The following DLG2 variants were observed in gnomAD, a reference collection of about 807,000 sequenced individuals.
DLG2 encodes the protein discs large MAGUK scaffold protein 2.
A neutral mutation model predicts 132.5 loss-of-function variants in DLG2; 45 were observed. That is an observed-to-expected ratio of 0.34 (90% confidence interval 0.27 to 0.44). DLG2 has a LOEUF of 0.44. Among genes scored for constraint, DLG2 ranks in the 20% least tolerant of loss-of-function variants. The pLI is 1.00. For synonymous variants in DLG2, 424 were observed against 419.6 expected (o/e 1.01, Z -0.13); for missense variants, 1,045 against 1,196.9 (o/e 0.87, Z 1.87).
chr11:85,486,948 CCT>C (rs2093442773), intron 3 of DLG2, among the ~76,000 whole-genome samples: 1 of 151,394 alleles, frequency 6.6e-6, no homozygotes, highest in Admixed American at 6.6e-5. Context: ...CAACTAGTGT[CCT>C]AGTCCCATGC....
At chr11:84,864,604 T>C (rs1235737707) in intron 6 of DLG2, among the ~76,000 whole-genome samples, 3 of 152,170 alleles carry the variant, frequency 2.0e-5, no homozygotes, top group Non-Finnish European at 4.4e-5. Flanking sequence ...TAAGGAACTA[T>C]GGGTTTTTCT....
intron 6 of DLG2, among the ~76,000 whole-genome samples, chr11:84,875,166 G>A (rs1221211862): frequency 6.6e-6 from 1 of 152,072 alleles, no homozygotes; most frequent in African/African-American, 2.4e-5. Flanking sequence ...AATGACGGAG[G>A]AGGGGATTTT....
chr11:85,198,681 C>A (rs943603855), intron 4 of DLG2, among the ~76,000 whole-genome samples: 1 of 150,670 alleles, frequency 6.6e-6, no homozygotes, highest in African/African-American at 2.5e-5. Flanking sequence ...TATCTACTAA[C>A]CCTTTGCTAC....
intron 6 of DLG2, among the ~76,000 whole-genome samples, chr11:85,038,252 T>C (rs79420555): frequency 0.02 from 2,994 of 152,240 alleles, 54 homozygotes; most frequent in Admixed American, 0.042. Flanking sequence ...ATAATGGATC[T>C]TGTCTTTTTC....
intron 3 of DLG2, among the ~76,000 whole-genome samples, chr11:85,356,693 C>G (rs537555817): frequency 6.6e-6 from 1 of 152,040 alleles, no homozygotes; most frequent in African/African-American, 2.4e-5. Context: ...AGAATTCTTG[C>G]TTTTCAGTGT....
chr11:83,543,230 A>G (rs2096134633), intron 19 of DLG2, among the ~76,000 whole-genome samples: 1 of 152,272 alleles, frequency 6.6e-6, no homozygotes, highest in Non-Finnish European at 1.5e-5. Context: ...ACCCCTGCCA[A>G]AGGCTCAGAC....
At chr11:84,719,520 A>C (rs2061566624) in intron 6 of DLG2, among the ~76,000 whole-genome samples, 1 of 152,212 alleles carries the variant, frequency 6.6e-6, no homozygotes, top group African/African-American at 2.4e-5. Flanking sequence ...CTGTTCAAAC[A>C]CCAAGTTCTA....
intron 16 of DLG2, among the ~76,000 whole-genome samples, chr11:83,872,244 C>G (rs909752592): frequency 7.2e-5 from 11 of 152,322 alleles, no homozygotes; most frequent in Admixed American, 5.9e-4. Context: ...ATCTGGGTGA[C>G]AGAGCGAGAC....
chr11:85,373,280 C>T (rs747213647), intron 3 of DLG2, among the ~76,000 whole-genome samples: 1 of 152,086 alleles, frequency 6.6e-6, no homozygotes, highest in Non-Finnish European at 1.5e-5. Context: ...ATACATGTTT[C>T]CTAATAATCT....
intron 6 of DLG2, among the ~76,000 whole-genome samples, chr11:84,661,099 C>A (rs373844879): frequency 1.3e-5 from 2 of 152,122 alleles, no homozygotes; most frequent in African/African-American, 4.8e-5. Flanking sequence ...ACCATATACG[C>A]CCCCTCTCTC....
Position 84,207,301 on chromosome 11 carries a change from G to A in DLG2, c.574-43790C>T, listed in dbSNP as rs571775924. ...CAGAATTTGGTAAGTTGACCCCAAA[G>A]TGTATAAAGAAATATAAAGGGTCAA... On this transcript the variant is annotated intron_variant, in intron 8 of 27. Transcript: ENST00000376104. 4.0e-5 allele frequency among the ~76,000 whole-genome samples: 6 copies of A among 151,746 alleles called. No individual in the cohort carries two copies. The South Asian group carries it at 1.2e-3, about 31-fold the overall frequency.
intron 6 of DLG2, among the ~76,000 whole-genome samples, chr11:84,555,158 T>A (rs2099409494): frequency 1.3e-5 from 2 of 152,140 alleles, no homozygotes; most frequent in Non-Finnish European, 1.5e-5. Flanking sequence ...TATGACCTGA[T>A]ATATATTTTC....
intron 11 of DLG2, among the ~76,000 whole-genome samples, chr11:84,038,319 T>C (rs1253484652): frequency 1.3e-5 from 2 of 151,336 alleles, no homozygotes; most frequent in Non-Finnish European, 2.9e-5. Flanking sequence ...AACAACCCCA[T>C]AAAAAAGTGG....
chr11:85,583,486 C>T (rs1310338837), intron 3 of DLG2, among the ~76,000 whole-genome samples: 2 of 151,794 alleles, frequency 1.3e-5, no homozygotes, highest in African/African-American at 4.8e-5. Flanking sequence ...CATGCCTGGA[C>T]TGAAATATAT....
intron 2 of DLG2, among the ~76,000 whole-genome samples, chr11:85,622,303 C>G (rs562572312): frequency 6.6e-5 from 10 of 151,918 alleles, no homozygotes; most frequent in African/African-American, 2.4e-4. Context: ...TGTATATATG[C>G]ATCAGAAAAC....
intron 6 of DLG2, among the ~76,000 whole-genome samples, chr11:84,610,440 A>C (rs973068100): frequency 4.6e-5 from 7 of 152,160 alleles, no homozygotes; most frequent in African/African-American, 1.7e-4. Flanking sequence ...CAATATAGTC[A>C]TATCACCAGG....
intron 4 of DLG2, among the ~76,000 whole-genome samples, chr11:85,228,204 T>A (rs552863604): frequency 1.1e-4 from 16 of 152,144 alleles, no homozygotes; most frequent in Non-Finnish European, 1.8e-4. Flanking sequence ...AGAAGCTCAA[T>A]GAAAATTTAT....
chr11:85,106,024 AG>A (rs2071690016), intron 6 of DLG2, among the ~76,000 whole-genome samples: 1 of 151,746 alleles, frequency 6.6e-6, no homozygotes, highest in Non-Finnish European at 1.5e-5. Context: ...GGACTATTGC[AG>A]AATAGCTTAT....
intron 3 of DLG2, among the ~76,000 whole-genome samples, chr11:85,464,306 G>A (rs2092712074): frequency 6.6e-6 from 1 of 152,172 alleles, no homozygotes; most frequent in African/African-American, 2.4e-5. Context: ...TTTAACTGCT[G>A]TGAGACCAGC....
Sources: gnomAD v4.1 joint callset for allele counts (sites outside exome capture counted in the v4.1 genomes callset) on GRCh38, gnomAD v4.1.1 for gene constraint, MANE v1.5 for transcripts, NCBI Gene and HGNC (gene_info 2026-07-23, HGNC 2026-07-21) for gene names.